NPLOC4: variants seen among roughly 807,000 people sequenced by gnomAD.
NPLOC4 encodes the protein NPL4 homolog, ubiquitin recognition factor.
In NPLOC4, 18 loss-of-function variants were observed where a neutral mutation model predicts 80.6. That is an observed-to-expected ratio of 0.22 (90% CI 0.15 to 0.33). The LOEUF is 0.33. NPLOC4 is among the 10% of genes least tolerant of loss of function. The pLI, the probability that NPLOC4 is intolerant of heterozygous loss-of-function variation, is 1.00. For synonymous variants in NPLOC4, 313 were observed against 301.5 expected (o/e 1.04, Z -0.39); for missense variants, 540 against 786.1 (o/e 0.69, Z 3.74).
chr17:81,557,310 A>G lies in NPLOC4; in HGVS notation c.*1949T>C, dbSNP rs1390011325. ...TTTGGACAATAAAATAAAGTGCATT[A>G]CTGAACAAAGAGTAACTCAAAACCA... On this transcript the variant is annotated 3_prime_UTR_variant, in exon 17 of 17. Transcript: ENST00000331134. 1 of 152,532 alleles carries G rather than the reference A, an allele frequency of 6.6e-6. No individual in the cohort carries two copies. Among genetic ancestry groups the G allele is most frequent in the Non-Finnish European group, 1.5e-5 (1 of 68,052 alleles). 9.4% of individuals were successfully genotyped at this position (152,532 alleles called of 1,614,324 possible). A position where few individuals can be genotyped will look rare whatever the true frequency, so the allele number is the denominator to read the frequency against.
At chr17:81,621,738 G>A (rs1422798985) in intron 3 of NPLOC4, among the ~76,000 whole-genome samples, 1 of 152,166 alleles carries the variant, frequency 6.6e-6, no homozygotes, top group Admixed American at 6.5e-5. Flanking sequence ...AGGTCTCTGA[G>A]TCCTGAAGGT....
At chr17:81,613,248 T>C in intron 4 of NPLOC4, 70 bp downstream of exon 4, 1 of 1,371,312 alleles carries the variant, frequency 7.3e-7, no homozygotes. Context: ...AGACATGTTA[T>C]AAATATTTCC....
chr17:81,575,896 T>A (rs750727239), intron 12 of NPLOC4, among the ~76,000 whole-genome samples: 11 of 152,234 alleles, frequency 7.2e-5, no homozygotes, highest in African/African-American at 2.7e-4. Context: ...TCTTGATTAA[T>A]TGATAAACCT....
intron 12 of NPLOC4, among the ~76,000 whole-genome samples, chr17:81,584,810 TA>T (rs1204409636): frequency 6.6e-6 from 1 of 152,130 alleles, no homozygotes; most frequent in East Asian, 1.9e-4. Flanking sequence ...AGGAATAACC[TA>T]ACAAATGATA....
At position 81,635,702 on chromosome 17, in the gene NPLOC4, G is replaced by A. The variant is rs146940523; in HGVS notation, c.15+1214C>T. Among the ~76,000 whole-genome samples the A allele has an allele frequency of 1.0e-2, 1,522 of 152,232 alleles. 12 individuals carry two copies. The highest frequency in any genetic ancestry group is 0.017 in the Middle Eastern group (5 of 294). ...GATTACAGGTGTGAGTCACCGCGCC[G>A]GGCCTGGAGACCTATTCTAGACAAC... On this transcript the variant is annotated intron_variant, in intron 1 of 16. Transcript: ENST00000331134.
At chr17:81,569,150 GA>G in intron 13 of NPLOC4, 39 bp from the exon 14 acceptor site, 1 of 1,427,984 alleles carries the variant, frequency 7.0e-7, no homozygotes, top group Non-Finnish European at 9.9e-7. Flanking sequence ...AAATGAGGCT[GA>G]AAATGGTGTG....
Position 81,633,073 on chromosome 17 carries a change from T to C in NPLOC4, c.16-3268A>G, listed in dbSNP as rs1043630764. Among the ~76,000 whole-genome samples the C allele has an allele frequency of 3.6e-4, 50 of 140,646 alleles. 1 individual carries two copies. The highest frequency in any genetic ancestry group is 1.3e-3 in the African/African-American group (46 of 36,782). The allele number at this position is 140,646 out of a possible 152,430, so 92.3% of individuals were successfully genotyped here. A position where few individuals can be genotyped will look rare whatever the true frequency, so the allele number is the denominator to read the frequency against. On this transcript the variant is annotated intron_variant, in intron 1 of 16. Transcript: ENST00000331134. ...TGAACCCAGGAGGCAGAGCTTGTGG[T>C]GAGCAGATCGCGCCACTGCACTCCA...
rs1426513233 is a variant in NPLOC4 at position 81,631,456 on chromosome 17, T to A, written c.16-1651A>T. ...TATATATTTTTTTTTTTTTTTTTTT[T>A]TTTTTTCCCCCACGGCAAGCCTAAA... On this transcript the variant is annotated intron_variant, in intron 1 of 16. Transcript: ENST00000331134. Among the ~76,000 whole-genome samples, 48 of 59,908 alleles carry A rather than the reference T, an allele frequency of 8.0e-4. 1 individual carries two copies. Among genetic ancestry groups the A allele is most frequent in the South Asian group, 5.0e-3 (7 of 1,414 alleles). 39.3% of individuals were successfully genotyped at this position (59,908 alleles called of 152,430 possible). A position where few individuals can be genotyped will look rare whatever the true frequency, so the allele number is the denominator to read the frequency against.
chr17:81,612,210 G>A (rs1052384382), intron 4 of NPLOC4, among the ~76,000 whole-genome samples: 4 of 152,090 alleles, frequency 2.6e-5, no homozygotes, highest in Admixed American at 1.3e-4. Flanking sequence ...GGGCGCCGGC[G>A]GCCGTCCCTC....
chr17:81,617,703 T>C (rs1259103510), intron 3 of NPLOC4, among the ~76,000 whole-genome samples: 1 of 139,608 alleles, frequency 7.2e-6, no homozygotes, highest in Non-Finnish European at 1.5e-5. Context: ...CTCCCTCTCA[T>C]GCCGAGCCGA....
chr17:81,604,511 C>T (rs779182626), intron 8 of NPLOC4, 37 bp downstream of exon 8: 3 of 1,596,606 alleles, frequency 1.9e-6, no homozygotes, highest in South Asian at 2.2e-5. Context: ...AGCCTCCAAA[C>T]ACAGAAACTC....
intron 12 of NPLOC4, among the ~76,000 whole-genome samples, chr17:81,579,664 G>A (rs745630952): frequency 1.3e-5 from 2 of 152,002 alleles, no homozygotes; most frequent in African/African-American, 2.4e-5. Context: ...CCTGACACAC[G>A]GACCATGCCC....
At chr17:81,575,160 C>A (rs569133945) in intron 12 of NPLOC4, among the ~76,000 whole-genome samples, 1 of 152,098 alleles carries the variant, frequency 6.6e-6, no homozygotes, top group African/African-American at 2.4e-5. Context: ...AGTGCAGTGG[C>A]GCGGTCTCGG....
chr17:81,629,071 G>A (rs1477869945), intron 2 of NPLOC4, among the ~76,000 whole-genome samples: 1 of 151,988 alleles, frequency 6.6e-6, no homozygotes, highest in South Asian at 2.1e-4. Context: ...CTAGAGATAG[G>A]GTTTCACCAT....
chr17:81,630,620 G>A (rs1374146419), intron 1 of NPLOC4, among the ~76,000 whole-genome samples: 1 of 152,112 alleles, frequency 6.6e-6, no homozygotes, highest in Non-Finnish European at 1.5e-5. Flanking sequence ...AGTGGCTCAC[G>A]TCTGTAATTG....
chr17:81,623,797 CAA>C (rs530906357), intron 2 of NPLOC4, among the ~76,000 whole-genome samples: 1 of 101,322 alleles, frequency 9.9e-6, no homozygotes, highest in Non-Finnish European at 1.8e-5. Flanking sequence ...GACTCCGTCT[CAA>C]AAAAAAAAAC....
rs370050181 is a variant in NPLOC4, at chr17:81,622,156, G to T, written c.209+10C>A. On this transcript the variant is annotated intron_variant, in intron 3 of 16. Transcript: ENST00000331134. ...CCCCATTCCCTGCTTCCTCCTCAGA[G>T]GACACTTACTTGATTTTTAGCAAGT... 10 of 1,591,632 alleles carry T rather than the reference G, an allele frequency of 6.3e-6. No individual in the cohort carries two copies. Among genetic ancestry groups the T allele is most frequent in the Non-Finnish European group, 7.8e-6 (9 of 1,160,004 alleles).
intron 6 of NPLOC4, among the ~76,000 whole-genome samples, chr17:81,607,097 C>G (rs1486027871): frequency 1.3e-5 from 2 of 152,152 alleles, no homozygotes; most frequent in African/African-American, 4.8e-5. Context: ...CACTAACATC[C>G]GAGAAAGCTT....
At chr17:81,587,104 A>G (rs2034600012) in intron 12 of NPLOC4, among the ~76,000 whole-genome samples, 1 of 152,224 alleles carries the variant, frequency 6.6e-6, no homozygotes, top group African/African-American at 2.4e-5. Context: ...GCTAACCCAT[A>G]ATTAGAAAAA....
Sources: allele counts gnomAD v4.1 joint callset (sites outside exome capture counted in the v4.1 genomes callset), GRCh38; gene constraint gnomAD v4.1.1; transcripts MANE v1.5; gene names NCBI Gene and HGNC (gene_info 2026-07-23, HGNC 2026-07-21).